The following P2RX1 variants were observed in gnomAD, a reference collection of about 807,000 sequenced individuals.
P2RX1 encodes P2X purinoceptor 1.
P2RX1 carries 42 observed loss-of-function variants against 50.3 expected under a neutral mutation model. The ratio of observed to expected loss-of-function variants is 0.83; its 90% CI spans 0.65 to 1.08. P2RX1 has a LOEUF of 1.08. Among genes scored for constraint, P2RX1 ranks in the 50% least tolerant of loss-of-function variants. P2RX1 has a pLI of 0.00. For synonymous variants in P2RX1, 199 were observed against 202.6 expected (o/e 0.98, Z 0.15); for missense variants, 449 against 529.0 (o/e 0.85, Z 1.48).
chr17:3,907,328 T>TGTGTGTGTGTGTG (rs1555548651), intron 1 of P2RX1, among the ~76,000 whole-genome samples: 1 of 148,742 alleles, frequency 6.7e-6, no homozygotes, highest in African/African-American at 2.5e-5. Flanking sequence ...TGTGTGTGTG[T>TGTGTGTGTGTGTG]TGGGGTATGG....
chr17:3,913,989 A>G (rs572714712), intron 1 of P2RX1, among the ~76,000 whole-genome samples: 1 of 152,166 alleles, frequency 6.6e-6, no homozygotes, highest in African/African-American at 2.4e-5. Flanking sequence ...CTGAGAGGTC[A>G]GTGCAGTACT....
In P2RX1 at chr17:3,903,726, CG is replaced by C. The variant is rs1334076958; in HGVS notation, c.525-96del. On this transcript the variant is annotated intron_variant, in intron 5 of 11. Transcript: ENST00000225538. The surrounding 1 kb of genome is among the most constrained non-coding windows in gnomAD (Gnocchi z 4.6). ...CACAGCAGGGGGTGGGCCGAGCCTC[CG>C]GGACCCGCCTGCAGCCCTGGGCTGG... is the stretch of plus-strand genomic sequence containing the variant. The C allele has an allele frequency of 2.2e-6, 3 of 1,346,998 alleles. No individual in the cohort carries two copies. The highest frequency in any genetic ancestry group is 1.2e-5 in the South Asian group (1 of 85,330). 83.4% of individuals were successfully genotyped at this position (1,346,998 alleles called of 1,614,324 possible).
At chr17:3,911,686 T>C (rs543942209) in intron 1 of P2RX1, among the ~76,000 whole-genome samples, 20 of 152,306 alleles carry the variant, frequency 1.3e-4, no homozygotes, top group Admixed American at 3.9e-4. Flanking sequence ...CTCAGCCTGG[T>C]GTTCAAAGGC....
Position 3,915,423 on chromosome 17 carries a change from G to T in P2RX1, c.137+666C>A, listed in dbSNP as rs762735940. 2.2e-5 allele frequency: 10 copies of T among 455,974 alleles called. No homozygotes were observed. The Admixed American group carries it at 2.4e-4, about 11-fold the overall frequency. The allele number at this position is 455,974 out of a possible 1,614,324, so 28.2% of individuals were successfully genotyped here. A position where few individuals can be genotyped will look rare whatever the true frequency, so the allele number is the denominator to read the frequency against. ...CTCTGCCAGGCCTGTCTTGGCTCCC[G>T]AGACAACCATACTGCAGGAGCGTCC... On this transcript the variant is annotated intron_variant, in intron 1 of 11. Transcript: ENST00000225538.
rs753328446 is a variant in P2RX1 at position 3,915,971 on chromosome 17, G to C, written c.137+118C>G. The stretch of plus-strand genomic sequence containing the variant: ...TCTCGCACAGTGGCTTGCCAGGAAG[G>C]CCTTCCCCTGGATGGAGAGGAAGAG... On this transcript the variant is annotated intron_variant, in intron 1 of 11. Coordinates refer to ENST00000225538, the MANE Select transcript of P2RX1 (RefSeq NM_002558.4). 15 of 1,191,540 alleles carry C rather than the reference G, an allele frequency of 1.3e-5. No individual in the cohort carries two copies. The Admixed American group carries it at 2.6e-4, about 21-fold the overall frequency. 73.8% of individuals were successfully genotyped at this position (1,191,540 alleles called of 1,614,324 possible). A position where few individuals can be genotyped will look rare whatever the true frequency, so the allele number is the denominator to read the frequency against.
chr17:3,897,108 C>T lies in P2RX1; in HGVS notation c.*706G>A, dbSNP rs114284034. 1 of 153,372 alleles carries T rather than the reference C, an allele frequency of 6.5e-6. No individual in the cohort carries two copies. Among genetic ancestry groups the T allele is most frequent in the African/African-American group, 2.4e-5 (1 of 41,438 alleles). The allele number at this position is 153,372 out of a possible 1,614,324, so 9.5% of individuals were successfully genotyped here. ...GTCAGAAAGTTCGAGGACGGCACTT[C>T]TTAAACTTAGGTCCCAGAATGGCCT... On this transcript the variant is annotated 3_prime_UTR_variant, in exon 12 of 12. Coordinates refer to ENST00000225538, the MANE Select transcript of P2RX1 (RefSeq NM_002558.4).
intron 1 of P2RX1, among the ~76,000 whole-genome samples, chr17:3,906,284 A>G (rs1157910766): frequency 6.6e-6 from 1 of 152,116 alleles, no homozygotes; most frequent in East Asian, 1.9e-4. Flanking sequence ...GGCATGCACC[A>G]CCACGCCCAG....
chr17:3,904,055 G>C, intron 4 of P2RX1, 31 bp from the exon 5 acceptor site: 1 of 1,562,882 alleles, frequency 6.4e-7, no homozygotes, highest in South Asian at 1.1e-5. Flanking sequence ...CTGGGTGCCT[G>C]CACTAAACAG....
chr17:3,903,592 G>A lies in P2RX1; in HGVS notation c.564C>T (p.Phe188=), dbSNP rs2056195779. 6.2e-7 allele frequency: 1 copy of A among 1,614,200 alleles called. No individual in the cohort carries two copies. Among genetic ancestry groups the A allele is most frequent in the Non-Finnish European group, 8.5e-7 (1 of 1,180,038 alleles). ...LLREAENFTL[F]IKNSISFPRF... ...GTGGAAAGCTGATGCTGTTCTTGATGAAAAGAGTGAAGTTCTCGGCCTCTC... is the reference window on the plus strand; with the variant it reads ...GTGGAAAGCTGATGCTGTTCTTGATAAAAAGAGTGAAGTTCTCGGCCTCTC... The change falls in exon 6 of 12, where the codon TTC becomes TTT. Residue 188 remains phenylalanine (F), a synonymous_variant. Coordinates refer to ENST00000225538, the MANE Select transcript of P2RX1 (RefSeq NM_002558.4). This position sits in a 1 kb window ranked among gnomAD's most constrained non-coding sequence, Gnocchi z 4.6.
At chr17:3,904,292 C>T (rs756572613) in intron 4 of P2RX1, 38 bp downstream of exon 4, 15 of 1,589,970 alleles carry the variant, frequency 9.4e-6, no homozygotes, top group South Asian at 4.4e-5. Flanking sequence ...GGACCGCAGC[C>T]GGGGGACTGT....
intron 1 of P2RX1, among the ~76,000 whole-genome samples, chr17:3,912,814 A>G (rs576828367): frequency 1.4e-4 from 21 of 152,250 alleles, no homozygotes; most frequent in East Asian, 3.9e-4. Context: ...TCTCCCCCCA[A>G]TAATTTCTAT....
At chr17:3,916,059 G>C in intron 1 of P2RX1, 30 bp downstream of exon 1, 1 of 1,612,660 alleles carries the variant, frequency 6.2e-7, no homozygotes, top group Non-Finnish European at 8.5e-7. Flanking sequence ...GTAGGGGCTG[G>C]TGCAGGCAGC....
intron 1 of P2RX1, among the ~76,000 whole-genome samples, chr17:3,909,393 C>T (rs1486642246): frequency 6.6e-6 from 1 of 152,130 alleles, no homozygotes; most frequent in Non-Finnish European, 1.5e-5. Flanking sequence ...TAATGAAAAC[C>T]TCCCATTTTC....
chr17:3,899,506 C>A lies in P2RX1; in HGVS notation c.875+128G>T, dbSNP rs887676162. 8 of 1,285,746 alleles carry A rather than the reference C, an allele frequency of 6.2e-6. No individual in the cohort carries two copies. The African/African-American group carries it at 7.4e-5, about 12-fold the overall frequency. The allele number at this position is 1,285,746 out of a possible 1,614,324, so 79.6% of individuals were successfully genotyped here. On this transcript the variant is annotated intron_variant, in intron 8 of 11. Transcript: ENST00000225538. ...CTGGCTTCCTGCATGGCCACCCAGG[C>A]AGAATGAGAGCTGCCCAGGACCCTC...
At chr17:3,907,328 T>TGTGTGTGTGTGTGTGTGTGTTGGGGTA (rs1555548651) in intron 1 of P2RX1, among the ~76,000 whole-genome samples, 4 of 148,742 alleles carry the variant, frequency 2.7e-5, no homozygotes, top group African/African-American at 9.9e-5. Context: ...TGTGTGTGTG[T>TGTGTGTGTGTGTGTGTGTGTTGGGGTA]TGGGGTATGG....
rs538966517 is a variant in P2RX1, at chr17:3,901,363, A to G, written c.748-1602T>C. The stretch of plus-strand genomic sequence containing the variant: ...ATTACAGGCGTGAGCCACCGCACCC[A>G]GCCCTGATGACAGGGAGATTTTTAG... On this transcript the variant is annotated intron_variant, in intron 7 of 11. Coordinates refer to ENST00000225538, the MANE Select transcript of P2RX1 (RefSeq NM_002558.4). 5.6e-4 allele frequency among the ~76,000 whole-genome samples: 86 copies of G among 152,282 alleles called. No individual in the cohort carries two copies. In the South Asian group the frequency reaches 0.012, roughly 21 times the overall value.
chr17:3,908,672 C>T (rs74468001), intron 1 of P2RX1, among the ~76,000 whole-genome samples: 2,311 of 152,294 alleles, frequency 0.015, 58 homozygotes, highest in African/African-American at 0.052. Context: ...CCAAGAGGGC[C>T]TGATGTCAGA....
Position 3,903,719 on chromosome 17 carries a change from G to T in P2RX1, c.525-88C>A. On this transcript the variant is annotated intron_variant, in intron 5 of 11. Coordinates refer to ENST00000225538, the MANE Select transcript of P2RX1 (RefSeq NM_002558.4). This position sits in a 1 kb window ranked among gnomAD's most constrained non-coding sequence, Gnocchi z 4.6. ...AGCTTGGCACAGCAGGGGGTGGGCCGAGCCTCCGGGACCCGCCTGCAGCCC... is the reference window on the plus strand; with the variant it reads ...AGCTTGGCACAGCAGGGGGTGGGCCTAGCCTCCGGGACCCGCCTGCAGCCC... 7.1e-7 allele frequency: 1 copy of T among 1,405,876 alleles called. No individual in the cohort carries two copies. Among genetic ancestry groups the T allele is most frequent in the African/African-American group, 1.4e-5 (1 of 71,134 alleles). The allele number at this position is 1,405,876 out of a possible 1,614,324, so 87.1% of individuals were successfully genotyped here. A position where few individuals can be genotyped will look rare whatever the true frequency, so the allele number is the denominator to read the frequency against.
chr17:3,898,848 G>T, intron 9 of P2RX1, 86 bp downstream of exon 9: 2 of 1,101,080 alleles, frequency 1.8e-6, no homozygotes, highest in Non-Finnish European at 2.8e-6. Context: ...CCAACTTCCG[G>T]TTGTCTATAA....
Sources: allele counts gnomAD v4.1 joint callset (sites outside exome capture counted in the v4.1 genomes callset), GRCh38; gene constraint gnomAD v4.1.1; non-coding constraint Gnocchi (gnomAD v3.1); transcripts MANE v1.5; gene names NCBI Gene and HGNC (gene_info 2026-07-23, HGNC 2026-07-21).